Variants in ADARB2 observed in about 807,000 individuals in gnomAD.
ADARB2 encodes the protein inactive double-stranded RNA-specific editase B2.
In ADARB2, 25 loss-of-function variants were observed where a neutral mutation model predicts 62.2. That is an observed-to-expected ratio of 0.40 (90% CI 0.29 to 0.56). The LOEUF (loss-of-function observed/expected upper bound fraction) is 0.56. Ranked by LOEUF, ADARB2 falls within the 20% of genes least tolerant of loss-of-function variation. The pLI is 0.43. For synonymous variants in ADARB2, 572 were observed against 500.8 expected, an observed-to-expected ratio of 1.14 and a Z score of -1.90; for missense variants, 1,071 against 1,077.4, an observed-to-expected ratio of 0.99 and a Z score of 0.08.
At chr10:1,696,417 T>G (rs1220783787) in intron 1 of ADARB2, among the ~76,000 whole-genome samples, 1 of 152,262 alleles carries the variant, frequency 6.6e-6, no homozygotes, top group Non-Finnish European at 1.5e-5. Flanking sequence ...TTATGTCTTT[T>G]AAAATGGTGG....
chr10:1,431,780 C>CTATTGCTACTACTATTA (rs1341270952), intron 1 of ADARB2, among the ~76,000 whole-genome samples: 3 of 152,116 alleles, frequency 2.0e-5, no homozygotes, highest in African/African-American at 4.8e-5. Flanking sequence ...GCTATTACTA[C>CTATTGCTACTACTATTA]AGAACGTGTA....
intron 1 of ADARB2, among the ~76,000 whole-genome samples, chr10:1,446,578 A>G (rs1379498778): frequency 2.0e-5 from 3 of 152,218 alleles, no homozygotes; most frequent in African/African-American, 7.2e-5. Flanking sequence ...CTGAAGCAGG[A>G]GACACGCTGG....
chr10:1,622,459 AATAT>A (rs541558698), intron 1 of ADARB2, among the ~76,000 whole-genome samples: 46 of 152,082 alleles, frequency 3.0e-4, no homozygotes, highest in African/African-American at 1.0e-3. Context: ...TTTTATCTAG[AATAT>A]ATATATAAAG....
intron 1 of ADARB2, among the ~76,000 whole-genome samples, chr10:1,638,582 G>A (rs1588333759): frequency 6.6e-6 from 1 of 151,978 alleles, no homozygotes; most frequent in Admixed American, 6.6e-5. Flanking sequence ...CTGACTGCTA[G>A]CCAGACATCG....
chr10:1,496,649 A>G (rs1265024463), intron 1 of ADARB2, among the ~76,000 whole-genome samples: 1 of 152,068 alleles, frequency 6.6e-6, no homozygotes, highest in Non-Finnish European at 1.5e-5. Flanking sequence ...TCGTATGGTT[A>G]TCATAATAAT....
At chr10:1,607,627 A>G (rs543296540) in intron 1 of ADARB2, among the ~76,000 whole-genome samples, 1 of 152,308 alleles carries the variant, frequency 6.6e-6, no homozygotes, top group African/African-American at 2.4e-5. Context: ...TCACTCCTCC[A>G]GTAAAGTACG....
chr10:1,724,180 A>G (rs1835134423), intron 1 of ADARB2, among the ~76,000 whole-genome samples: 1 of 152,210 alleles, frequency 6.6e-6, no homozygotes, highest in Non-Finnish European at 1.5e-5. Flanking sequence ...CGTGCAGCCA[A>G]GATTAAAAGC....
chr10:1,590,630 C>T (rs1833239704), intron 1 of ADARB2, among the ~76,000 whole-genome samples: 1 of 152,124 alleles, frequency 6.6e-6, no homozygotes, highest in African/African-American at 2.4e-5. Context: ...GTGCTTTTGT[C>T]AGGCTTGGAG....
intron 7 of ADARB2, among the ~76,000 whole-genome samples, chr10:1,208,906 G>A (rs1418022994): frequency 2.0e-5 from 3 of 152,200 alleles, no homozygotes; most frequent in East Asian, 3.9e-4. Context: ...TCTCTGCTGG[G>A]GCGCCCGGAG....
intron 1 of ADARB2, among the ~76,000 whole-genome samples, chr10:1,639,415 G>A (rs1364568490): frequency 6.6e-6 from 1 of 152,218 alleles, no homozygotes; most frequent in Non-Finnish European, 1.5e-5. Flanking sequence ...ACCAGCTTTG[G>A]AACTGGGTGA....
chr10:1,380,218 G>T (rs1391336813), intron 1 of ADARB2, among the ~76,000 whole-genome samples: 1 of 152,208 alleles, frequency 6.6e-6, no homozygotes, highest in Non-Finnish European at 1.5e-5. Context: ...TGATTAAGAC[G>T]CCCCAGGTGG....
rs1239727368 is a variant in ADARB2, at chr10:1,275,921, C to G, written c.1078-4852G>C. ...CAGTCTATCATTGTTGGACATTTGGCTTGGTTCCAAGTCTTCGCTATTGTG... is the reference window on the plus strand; with the variant it reads ...CAGTCTATCATTGTTGGACATTTGGGTTGGTTCCAAGTCTTCGCTATTGTG... On this transcript the variant is annotated intron_variant, in intron 3 of 9. Coordinates refer to ENST00000381312, the MANE Select transcript of ADARB2 (RefSeq NM_018702.4). 3.9e-5 allele frequency among the ~76,000 whole-genome samples: 6 copies of G among 152,092 alleles called. No homozygotes were observed. In the South Asian group the frequency reaches 6.2e-4, roughly 16 times the overall value.
At chr10:1,216,856 A>G (rs1830628892) in intron 7 of ADARB2, 95 bp downstream of exon 7, 2 of 1,483,428 alleles carry the variant, frequency 1.3e-6, no homozygotes, top group Non-Finnish European at 1.8e-6. Flanking sequence ...GCCCAGCATC[A>G]CTGACCTCAC....
intron 3 of ADARB2, among the ~76,000 whole-genome samples, chr10:1,340,611 G>A (rs372996127): frequency 5.8e-4 from 7 of 12,146 alleles, no homozygotes; most frequent in African/African-American, 1.9e-3. Flanking sequence ...GGCAATAACC[G>A]GCATCCACCA....
intron 3 of ADARB2, among the ~76,000 whole-genome samples, chr10:1,350,333 C>G (rs1434570545): frequency 6.6e-6 from 1 of 152,166 alleles, no homozygotes; most frequent in Non-Finnish European, 1.5e-5. Flanking sequence ...CTGAGTCTTT[C>G]CTCTTTCCAA....
intron 6 of ADARB2, among the ~76,000 whole-genome samples, chr10:1,217,899 G>T (rs1830646680): frequency 6.6e-6 from 1 of 152,070 alleles, no homozygotes; most frequent in African/African-American, 2.4e-5. Context: ...GGTCTCTGTG[G>T]GTCCCTCAGG....
intron 1 of ADARB2, among the ~76,000 whole-genome samples, chr10:1,576,359 A>G (rs1472157821): frequency 1.0e-5 from 1 of 100,022 alleles, no homozygotes; most frequent in Non-Finnish European, 2.0e-5. Context: ...GGTCACAGGA[A>G]GTGGCTTAGG....
chr10:1,684,214 A>G (rs1834574106), intron 1 of ADARB2, among the ~76,000 whole-genome samples: 1 of 152,176 alleles, frequency 6.6e-6, no homozygotes, highest in South Asian at 2.1e-4. Flanking sequence ...AGAAAAACAG[A>G]CTTCTTTCTT....
At chr10:1,273,715 C>G (rs557347111) in intron 3 of ADARB2, among the ~76,000 whole-genome samples, 2 of 152,318 alleles carry the variant, frequency 1.3e-5, no homozygotes, top group East Asian at 3.9e-4. Flanking sequence ...TCACCTCAGG[C>G]CTCGAGAAGT....
Sources: gnomAD v4.1 joint callset for allele counts (sites outside exome capture counted in the v4.1 genomes callset) on GRCh38, gnomAD v4.1.1 for gene constraint, MANE v1.5 for transcripts, NCBI Gene and HGNC (gene_info 2026-07-23, HGNC 2026-07-21) for gene names.